Variants in RPS18 observed in about 807,000 individuals in gnomAD.
The protein encoded by RPS18 is small ribosomal subunit protein uS13.
For missense variants in RPS18, 49 were observed against 200.8 expected, an observed-to-expected ratio of 0.24 and a Z score of 4.57; for synonymous variants, 64 against 70.9, an observed-to-expected ratio of 0.90 and a Z score of 0.49.
At chr6:33,273,118 T>G (rs1184593484) in intron 2 of RPS18, among the ~76,000 whole-genome samples, 1 of 152,116 alleles carries the variant, frequency 6.6e-6, no homozygotes, top group Non-Finnish European at 1.5e-5. Context: ...ATTGGAGGAT[T>G]ATTGGGCATC....
intron 5 of RPS18, 51 bp downstream of exon 5, chr6:33,276,318 ACTCG>A (rs776780313): frequency 2.1e-5 from 34 of 1,603,274 alleles, no homozygotes; most frequent in Non-Finnish European, 2.7e-5. Context: ...CATTCCTCCT[ACTCG>A]CTCTTCTTTT....
chr6:33,273,817 C>T (rs548530929), intron 2 of RPS18, among the ~76,000 whole-genome samples: 13 of 152,168 alleles, frequency 8.5e-5, no homozygotes, highest in Admixed American at 4.6e-4. Context: ...GTGGCTCACT[C>T]GGAGGCTGAA....
At chr6:33,272,449 C>G (rs916060776) in intron 1 of RPS18, 179 bp from the exon 2 acceptor site, 9 of 640,882 alleles carry the variant, frequency 1.4e-5, no homozygotes, top group Non-Finnish European at 2.3e-5. Context: ...GCTTCATGTG[C>G]CTACTCTGCA....
chr6:33,272,648 G>A lies in RPS18; in HGVS notation c.24G>A (p.Lys8=). MSLVIPE[K]FQHILRVLNT... ...ACTAGTCTCTAGTGATCCCTGAAAA[G>A]TTCCAGCATATTTTGCGAGTACTCA... The change falls in exon 2 of 6, where the codon AAG becomes AAA. Residue 8 remains lysine, a synonymous_variant. Coordinates refer to ENST00000439602, the MANE Select transcript of RPS18 (RefSeq NM_022551.3). The A allele has an allele frequency of 1.3e-6, 2 of 1,549,634 alleles. No homozygotes were observed. Among genetic ancestry groups the A allele is most frequent in the Non-Finnish European group, 1.8e-6 (2 of 1,121,110 alleles).
intron 2 of RPS18, 43 bp downstream of exon 2, chr6:33,272,769 T>G (rs751841632): frequency 2.0e-5 from 20 of 1,001,728 alleles, no homozygotes; most frequent in Non-Finnish European, 3.1e-5. Context: ...AAATGAGAAT[T>G]GGGTTGTGAA....
At chr6:33,275,416 T>C in intron 2 of RPS18, 1 of 229,844 alleles carries the variant, frequency 4.4e-6, no homozygotes, top group Non-Finnish European at 8.8e-6. Flanking sequence ...CCTCCTAGGT[T>C]CAAGCTATTC....
intron 5 of RPS18, 56 bp downstream of exon 5, chr6:33,276,323 C>T: frequency 6.2e-7 from 1 of 1,604,968 alleles, no homozygotes; most frequent in Non-Finnish European, 8.5e-7. Context: ...CTCCTACTCG[C>T]TCTTCTTTTT....
chr6:33,272,865 T>G, intron 2 of RPS18, 139 bp downstream of exon 2: 1 of 669,440 alleles, frequency 1.5e-6, no homozygotes, highest in Non-Finnish European at 2.8e-6. Context: ...AGAAAGTGGT[T>G]TAGGGAGAGA....
chr6:33,273,035 T>C (rs914789833), intron 2 of RPS18, among the ~76,000 whole-genome samples: 10 of 152,210 alleles, frequency 6.6e-5, no homozygotes, highest in Non-Finnish European at 4.4e-5. Context: ...TGAGATTTCT[T>C]CTAGATTCGG....
chr6:33,274,337 C>T (rs534625270), intron 2 of RPS18, among the ~76,000 whole-genome samples: 1 of 152,320 alleles, frequency 6.6e-6, no homozygotes, highest in East Asian at 1.9e-4. Context: ...GTTGGGGCTA[C>T]AGGTGTGCAC....
Position 33,276,156 on chromosome 6 carries a change from GC to G in RPS18, c.292-15del, listed in dbSNP as rs769521987. 8 of 1,611,436 alleles carry G rather than the reference GC, an allele frequency of 5.0e-6. No homozygotes were observed. The African/African-American group carries it at 1.1e-4, about 22-fold the overall frequency. ...GAGGTCAGGGGATAAAACATCCCTT[GC>G]CCCCTCCTCTGAATCCAGGTCCTAG... On this transcript the variant is annotated intron_variant, in intron 4 of 5. Transcript: ENST00000439602.
intron 2 of RPS18, among the ~76,000 whole-genome samples, chr6:33,274,949 A>G (rs1765525225): frequency 1.3e-5 from 2 of 152,176 alleles, no homozygotes; most frequent in African/African-American, 2.4e-5. Flanking sequence ...GATGCTACCA[A>G]TGTAAGCATT....
rs769521987 is a variant in RPS18 at position 33,276,156 on chromosome 6, G to GCC, written c.292-16_292-15dup. The GCC allele has an allele frequency of 3.7e-6, 6 of 1,611,436 alleles. No homozygotes were observed. The African/African-American group carries it at 8.0e-5, about 22-fold the overall frequency. On this transcript the variant is annotated intron_variant, in intron 4 of 5. Coordinates refer to ENST00000439602, the MANE Select transcript of RPS18 (RefSeq NM_022551.3). ...GAGGTCAGGGGATAAAACATCCCTT[G>GCC]CCCCCTCCTCTGAATCCAGGTCCTA...
chr6:33,273,947 A>G (rs1044258428), intron 2 of RPS18, among the ~76,000 whole-genome samples: 1 of 151,404 alleles, frequency 6.6e-6, no homozygotes, highest in African/African-American at 2.4e-5. Context: ...TAATAATTTG[A>G]CCCTTGGTCA....
At position 33,272,117 on chromosome 6, in the gene RPS18, G is replaced by T. The variant is rs1023771530; in HGVS notation, c.-3G>T. ...CCTACACGCCGCCGCTTGTGCTGCAGCCATGGTAAGACTGGAATCCGTGCC... is the reference window on the plus strand; with the variant it reads ...CCTACACGCCGCCGCTTGTGCTGCATCCATGGTAAGACTGGAATCCGTGCC... On this transcript the variant is annotated 5_prime_UTR_variant, in exon 1 of 6. Coordinates refer to ENST00000439602, the MANE Select transcript of RPS18 (RefSeq NM_022551.3). 8 of 1,567,878 alleles carry T rather than the reference G, an allele frequency of 5.1e-6. No homozygotes were observed. The highest frequency in any genetic ancestry group is 6.1e-6 in the Non-Finnish European group (7 of 1,156,258).
intron 2 of RPS18, 198 bp from the exon 3 acceptor site, chr6:33,275,599 G>C: frequency 1.6e-6 from 1 of 612,446 alleles, no homozygotes; most frequent in South Asian, 1.9e-5. Context: ...GATTACAGGC[G>C]TGAGCCACTG....
At position 33,275,636 on chromosome 6, in the gene RPS18, C is replaced by T. The variant is rs1266705297; in HGVS notation, c.103-161C>T. 3.4e-5 allele frequency: 23 copies of T among 677,282 alleles called. No individual in the cohort carries two copies. The Admixed American group carries it at 4.1e-4, about 12-fold the overall frequency. The allele number at this position is 677,282 out of a possible 1,614,324, so 42.0% of individuals were successfully genotyped here. On this transcript the variant is annotated intron_variant, in intron 2 of 5. Transcript: ENST00000439602. ...GACCGGCCCAAAGTTAACCTTCTGTCGAACGGTTTATATCTGGAAAGGTGG... is the reference window on the plus strand; with the variant it reads ...GACCGGCCCAAAGTTAACCTTCTGTTGAACGGTTTATATCTGGAAAGGTGG...
Position 33,275,813 on chromosome 6 carries a change from A to T in RPS18, c.119A>T (p.Tyr40Phe). 1.2e-6 allele frequency: 2 copies of T among 1,611,776 alleles called. No individual in the cohort carries two copies. The highest frequency in any genetic ancestry group is 1.7e-6 in the Non-Finnish European group (2 of 1,178,580). Residue 40 changes from tyrosine to phenylalanine, a missense_variant, in exon 3 of 6, where the codon TAT becomes TTT. Tyr to Phe is a conservative substitution (Grantham distance 22, BLOSUM62 3). Transcript: ENST00000439602. Reference protein sequence around the residue: ...ITAIKGVGRRYAHVVLRKADI... With the variant: ...ITAIKGVGRRFAHVVLRKADI... ...TTCATTCAGGGTGTGGGCCGAAGAT[A>T]TGCTCATGTGGTGTTGAGGAAAGCA...
chr6:33,272,177 G>A, intron 1 of RPS18, 55 bp downstream of exon 1: 2 of 1,550,498 alleles, frequency 1.3e-6, no homozygotes, highest in African/African-American at 1.4e-5. Context: ...GGCAAGGAAA[G>A]CCGGCTGTCA....
Sources: allele counts gnomAD v4.1 joint callset (sites outside exome capture counted in the v4.1 genomes callset), GRCh38; gene constraint gnomAD v4.1.1; transcripts MANE v1.5; gene names NCBI Gene and HGNC (gene_info 2026-07-23, HGNC 2026-07-21).